WIPI1: variants seen among roughly 807,000 people sequenced by gnomAD.
WIPI1 encodes the protein WD repeat domain, phosphoinositide interacting 1.
A neutral mutation model predicts 55.3 loss-of-function variants in WIPI1; 45 were observed. The observed-to-expected ratio is 0.81, with a 90% CI of 0.64 to 1.04. The LOEUF (loss-of-function observed/expected upper bound fraction) is 1.04, where lower values mean the gene tolerates loss of function less well. Among genes scored for constraint, WIPI1 ranks in the 50% least tolerant of loss-of-function variants. WIPI1 has a pLI of 0.00. For missense variants in WIPI1, 445 were observed against 559.0 expected (o/e 0.80, Z 2.06); for synonymous variants, 195 against 217.6 (o/e 0.90, Z 0.92).
In WIPI1 at chr17:68,421,673, C is replaced by G. The variant is rs539572280; in HGVS notation, c.*100G>C. 1.5e-5 allele frequency: 23 copies of G among 1,555,334 alleles called. No homozygotes were observed. In the East Asian group the frequency reaches 1.6e-4, roughly 11 times the overall value. ...TGGAGCACCCGGGATTCCTGCCCCCCTTTCTGCTCACACAATTGCACTCCA... is the reference window on the plus strand; with the variant it reads ...TGGAGCACCCGGGATTCCTGCCCCCGTTTCTGCTCACACAATTGCACTCCA... On this transcript the variant is annotated 3_prime_UTR_variant, in exon 13 of 13. Transcript: ENST00000262139.
chr17:68,426,678 G>C (rs1412047685), intron 11 of WIPI1, among the ~76,000 whole-genome samples: 2 of 152,108 alleles, frequency 1.3e-5, no homozygotes, highest in African/African-American at 4.8e-5. Context: ...GATTGCAAGT[G>C]TGTGCCAACA....
At chr17:68,436,769 G>A (rs1336832092) in intron 4 of WIPI1, among the ~76,000 whole-genome samples, 4 of 152,136 alleles carry the variant, frequency 2.6e-5, no homozygotes, top group Non-Finnish European at 4.4e-5. Flanking sequence ...CTTTGAGGCG[G>A]GCGGATCACT....
At chr17:68,438,875 C>G (rs1016488171) in intron 4 of WIPI1, among the ~76,000 whole-genome samples, 1 of 152,248 alleles carries the variant, frequency 6.6e-6, no homozygotes, top group East Asian at 1.9e-4. Flanking sequence ...GCTGGGATTA[C>G]AGGCGTGAGC....
Position 68,426,251 on chromosome 17 carries a change from G to GGGGGGGGGGGA in WIPI1, c.1193-77_1193-76insTCCCCCCCCCC. On this transcript the variant is annotated intron_variant, in intron 11 of 12. Transcript: ENST00000262139. ...GCCATGACCTGGCGGGTGGGGAGCG[G>GGGGGGGGGGGA]GGGCTCAAATAAAGGGCAAAGGAAG... is the stretch of plus-strand genomic sequence containing the variant. 4.8e-6 allele frequency: 4 copies of GGGGGGGGGGGA among 825,460 alleles called. 1 individual carries two copies. The highest frequency in any genetic ancestry group is 7.7e-6 in the Non-Finnish European group (4 of 521,074). 51.1% of individuals were successfully genotyped at this position (825,460 alleles called of 1,614,324 possible). A position where few individuals can be genotyped will look rare whatever the true frequency, so the allele number is the denominator to read the frequency against.
intron 8 of WIPI1, 143 bp downstream of exon 8, chr17:68,433,325 C>T (rs80015856): frequency 0.049 from 38,792 of 784,906 alleles, 1,191 homozygotes; most frequent in Middle Eastern, 0.1. Flanking sequence ...GTTTTGCTAA[C>T]ACACACTCCA....
intron 1 of WIPI1, 119 bp downstream of exon 1, chr17:68,457,223 A>C (rs919720427): frequency 8.1e-7 from 1 of 1,235,330 alleles, no homozygotes; most frequent in Non-Finnish European, 1.1e-6. Context: ...CGAAGCAGAC[A>C]CCGGCCCTCC....
At chr17:68,430,263 G>A (rs1249965576) in intron 8 of WIPI1, 103 bp from the exon 9 acceptor site, 2 of 1,200,544 alleles carry the variant, frequency 1.7e-6, no homozygotes, top group Non-Finnish European at 2.3e-6. Context: ...CCCGCAGCAG[G>A]GAGAGACTGT....
In WIPI1 at chr17:68,421,822, T is replaced by C. The variant is rs560785680; in HGVS notation, c.1294-2A>G. ...CTGATTTCCACGGCACAAGATTATC[T>C]ACCAAAATCAAAACAGAATGGCCTT... On this transcript the variant is annotated splice_acceptor_variant, in intron 12 of 12. Transcript: ENST00000262139. LOFTEE classifies it high-confidence loss of function. 3.1e-6 allele frequency: 5 copies of C among 1,614,028 alleles called. No homozygotes were observed. The highest frequency in any genetic ancestry group is 4.2e-6 in the Non-Finnish European group (5 of 1,180,024).
chr17:68,427,444 C>T (rs1186233936), intron 10 of WIPI1, 191 bp from the exon 11 acceptor site: 12 of 414,442 alleles, frequency 2.9e-5, no homozygotes, highest in Non-Finnish European at 5.2e-5. Flanking sequence ...GCAACCTCCG[C>T]CTCCTGGGTT....
At position 68,426,178 on chromosome 17, in the gene WIPI1, G is replaced by A. The variant is rs759070572; in HGVS notation, c.1193-3C>T. ...CGCCCCGCCGTCCTCAGAATAACCT[G>A]GAAACCAAGAAAGAGACATGAAACA... On this transcript the variant is annotated splice_region_variant and splice_polypyrimidine_tract_variant and intron_variant, in intron 11 of 12. Transcript: ENST00000262139. 1.3e-6 allele frequency: 2 copies of A among 1,540,524 alleles called. No individual in the cohort carries two copies. The highest frequency in any genetic ancestry group is 8.8e-7 in the Non-Finnish European group (1 of 1,137,056).
At chr17:68,434,873 T>C (rs74252534) in intron 6 of WIPI1, among the ~76,000 whole-genome samples, 12,558 of 152,258 alleles carry the variant, frequency 0.082, 679 homozygotes, top group South Asian at 0.21. Context: ...TGTGTGTGCA[T>C]GTGTGTGTTC....
Position 68,426,072 on chromosome 17 carries a change from C to G in WIPI1, c.1293+3G>C. The G allele has an allele frequency of 6.2e-7, 1 of 1,612,804 alleles. No individual in the cohort carries two copies. The highest frequency in any genetic ancestry group is 8.5e-7 in the Non-Finnish European group (1 of 1,179,852). ...CGCCCAGTTACGGGTTCCTAATGCT[C>G]ACAGGAGGAAACTCATTCTCATCAT... On this transcript the variant is annotated splice_donor_region_variant and intron_variant, in intron 12 of 12. Coordinates refer to ENST00000262139, the MANE Select transcript of WIPI1 (RefSeq NM_017983.7).
chr17:68,439,254 TAAAG>T (rs939523666), intron 4 of WIPI1, among the ~76,000 whole-genome samples: 2 of 152,132 alleles, frequency 1.3e-5, no homozygotes, highest in African/African-American at 2.4e-5. Context: ...GATAAATGGA[TAAAG>T]AAAATGTGAT....
In WIPI1 at chr17:68,444,499, G is replaced by T. The variant is rs1434073634; in HGVS notation, c.424C>A (p.Pro142Thr). ...TTCCATTTTTGGAGCTCACCTGTTG[G>T]GTTTGCAGGAATATCCAGGAGGGTC... ...LKTLLDIPAN[P>T]TGLCALSINH... Residue 142 changes from proline (P) to threonine (T), a missense_variant, in exon 4 of 13, where the codon CCA becomes ACA. By Grantham distance (38) the Pro-to-Thr change is conservative. Transcript: ENST00000262139. The T allele has an allele frequency of 6.2e-7, 1 of 1,613,030 alleles. No individual in the cohort carries two copies. Among genetic ancestry groups the T allele is most frequent in the South Asian group, 1.1e-5 (1 of 90,750 alleles).
At position 68,434,594 on chromosome 17, in the gene WIPI1, A is replaced by G. The variant is rs1179995394; in HGVS notation, c.654T>C (p.Asp218=). 6.2e-7 allele frequency: 1 copy of G among 1,614,054 alleles called. No homozygotes were observed. Among genetic ancestry groups the G allele is most frequent in the South Asian group, 1.1e-5 (1 of 91,084 alleles). ...GTVIRVFSVP[D]GQKLYEFRRG... is the part of the protein sequence containing the mutation. ...TCCGGAACTCATAGAGCTTTTGCCC[A>G]TCAGGGACAGAGAACACCCGGATGA... The change falls in exon 7 of 13, where the codon GAT becomes GAC. Residue 218 remains aspartate, a synonymous_variant. Transcript: ENST00000262139.
At position 68,430,013 on chromosome 17, in the gene WIPI1, G is replaced by A. The variant is rs1291963641; in HGVS notation, c.948C>T (p.Asn316=). 6.2e-7 allele frequency: 1 copy of A among 1,614,178 alleles called. No homozygotes were observed. The highest frequency in any genetic ancestry group is 2.2e-5 in the East Asian group (1 of 44,880). The change falls in exon 9 of 13, where the codon AAC becomes AAT. Residue 316 remains asparagine (N), a synonymous_variant. Transcript: ENST00000262139. ...GTACGTACGTTGAGAGGGTACAGAT[G>A]TTCCTCTGTCCGGAGAAGTTCAAGC... The part of the protein sequence containing the change: ...TARLNFSGQR[N]ICTLSTIQKL...
chr17:68,436,765 G>A (rs1480853269), intron 4 of WIPI1, among the ~76,000 whole-genome samples: 1 of 152,150 alleles, frequency 6.6e-6, no homozygotes, highest in African/African-American at 2.4e-5. Flanking sequence ...AGCACTTTGA[G>A]GCGGGCGGAT....
chr17:68,452,384 G>A (rs2084530701), intron 2 of WIPI1, among the ~76,000 whole-genome samples: 1 of 152,206 alleles, frequency 6.6e-6, no homozygotes, highest in South Asian at 2.1e-4. Flanking sequence ...GGCCAACGTG[G>A]TGAAACCCCG....
intron 12 of WIPI1, chr17:68,422,040 T>C: frequency 3.4e-6 from 2 of 588,704 alleles, no homozygotes; most frequent in Non-Finnish European, 6.1e-6. Context: ...TATAAAAATG[T>C]CTCTGTGTGT....
Sources: allele counts gnomAD v4.1 joint callset (sites outside exome capture counted in the v4.1 genomes callset), GRCh38; gene constraint gnomAD v4.1.1; transcripts MANE v1.5; gene names NCBI Gene and HGNC (gene_info 2026-07-23, HGNC 2026-07-21).